BACH2: variants seen among roughly 807,000 people sequenced by gnomAD.
BACH2 encodes transcription regulator protein BACH2.
A neutral mutation model predicts 61.8 loss-of-function variants in BACH2; 5 were observed. That is an observed-to-expected ratio of 0.08 (90% confidence interval 0.04 to 0.17). The LOEUF (loss-of-function observed/expected upper bound fraction) is 0.17. Ranked by LOEUF, BACH2 falls within the 10% of genes least tolerant of loss-of-function variation. The pLI is 1.00. For missense variants in BACH2, 824 were observed against 1,091.1 expected (o/e 0.76, Z 3.45); for synonymous variants, 446 against 440.1 (o/e 1.01, Z -0.17).
chr6:89,952,597 T>C (rs925873627), intron 6 of BACH2, among the ~76,000 whole-genome samples: 9 of 152,208 alleles, frequency 5.9e-5, no homozygotes, highest in African/African-American at 7.2e-5. Context: ...ATTTAAATGG[T>C]TGAAGCTGCT....
chr6:89,947,392 C>T (rs1305652477), intron 7 of BACH2, among the ~76,000 whole-genome samples: 1 of 152,258 alleles, frequency 6.6e-6, no homozygotes, highest in Non-Finnish European at 1.5e-5. Flanking sequence ...TCTTGGAAAC[C>T]TAACCTCCTC....
chr6:90,292,601 G>GT (rs1772213919), intron 1 of BACH2, among the ~76,000 whole-genome samples: 1 of 152,094 alleles, frequency 6.6e-6, no homozygotes, highest in African/African-American at 2.4e-5. Flanking sequence ...TTGAAGTTTT[G>GT]TTTTTTTGGC....
chr6:90,059,748 G>C (rs536729204), intron 5 of BACH2, among the ~76,000 whole-genome samples: 1 of 151,894 alleles, frequency 6.6e-6, no homozygotes, highest in Non-Finnish European at 1.5e-5. Context: ...ATGATAGACT[G>C]GATTAAGAAA....
chr6:90,062,277 G>T (rs562398962), intron 5 of BACH2, among the ~76,000 whole-genome samples: 1 of 152,282 alleles, frequency 6.6e-6, no homozygotes, highest in African/African-American at 2.4e-5. Flanking sequence ...TTCTCATGAG[G>T]TCTACTCCAC....
At chr6:89,990,523 C>CTT (rs1016242544) in intron 6 of BACH2, among the ~76,000 whole-genome samples, 1 of 149,512 alleles carries the variant, frequency 6.7e-6, no homozygotes, top group Admixed American at 6.7e-5. Flanking sequence ...GTCATACTGG[C>CTT]TTTTTTTTTT....
intron 1 of BACH2, among the ~76,000 whole-genome samples, chr6:90,295,711 T>C (rs1772333201): frequency 6.6e-6 from 1 of 151,982 alleles, no homozygotes; most frequent in East Asian, 1.9e-4. Context: ...GGAGGATCTG[T>C]GGGAGAGGAG....
chr6:90,050,870 A>G (rs1221040308), intron 5 of BACH2, among the ~76,000 whole-genome samples: 3 of 151,932 alleles, frequency 2.0e-5, no homozygotes, highest in Non-Finnish European at 2.9e-5. Flanking sequence ...CCTGGGTTCA[A>G]GCGATTCTCT....
At chr6:90,042,528 T>C (rs970783576) in intron 5 of BACH2, among the ~76,000 whole-genome samples, 89 of 152,092 alleles carry the variant, frequency 5.9e-4, no homozygotes, top group African/African-American at 1.9e-3. Flanking sequence ...CCATTCATGG[T>C]GTATTGACCA....
intron 4 of BACH2, among the ~76,000 whole-genome samples, chr6:90,183,331 C>T (rs1011064742): frequency 2.6e-5 from 4 of 152,182 alleles, no homozygotes; most frequent in South Asian, 2.1e-4. Context: ...AGATAGTAAC[C>T]GAGTTTATGC....
rs756168310 is a variant in BACH2 at position 89,931,354 on chromosome 6, G to A, written c.*1054C>T. The A allele has an allele frequency of 1.0e-4, 16 of 152,760 alleles. No individual in the cohort carries two copies. In the South Asian group the frequency reaches 2.1e-3, roughly 20 times the overall value. 9.5% of individuals were successfully genotyped at this position (152,760 alleles called of 1,614,324 possible). On this transcript the variant is annotated 3_prime_UTR_variant, in exon 9 of 9. Coordinates refer to ENST00000257749, the MANE Select transcript of BACH2 (RefSeq NM_021813.4). The stretch of plus-strand genomic sequence containing the variant: ...GGTGAAATATAAAAATATTCAAGCA[G>A]ATTATTGTCTACACATCCTAGGATG...
At chr6:90,175,871 T>C (rs2474881) in intron 4 of BACH2, among the ~76,000 whole-genome samples, 147,364 of 152,112 alleles carry the variant, frequency 0.97, 71,419 homozygotes, top group East Asian at 1. Flanking sequence ...AGGCAATATT[T>C]CTCTGCCTTT....
intron 7 of BACH2, among the ~76,000 whole-genome samples, chr6:89,948,548 A>G (rs1168472907): frequency 6.6e-6 from 1 of 152,164 alleles, no homozygotes; most frequent in African/African-American, 2.4e-5. Context: ...CAAAGACTGC[A>G]GGCCTTTGTG....
intron 5 of BACH2, among the ~76,000 whole-genome samples, chr6:90,051,253 T>C (rs1044422197): frequency 3.9e-5 from 6 of 152,212 alleles, no homozygotes; most frequent in Non-Finnish European, 8.8e-5. Context: ...GTTACTGGTA[T>C]ATAAGGCAAT....
intron 3 of BACH2, chr6:90,218,264 T>A (rs1769607554): frequency 6.6e-6 from 1 of 152,154 alleles, no homozygotes; most frequent in Non-Finnish European, 1.5e-5. Context: ...GCTCTAAAAA[T>A]TTTTTTAAAG....
At chr6:89,970,966 G>A (rs1376982125) in intron 6 of BACH2, among the ~76,000 whole-genome samples, 1 of 152,134 alleles carries the variant, frequency 6.6e-6, no homozygotes, top group Non-Finnish European at 1.5e-5. Flanking sequence ...GCAATAAAAA[G>A]GGAATTTGGA....
rs1195644184 is a variant in BACH2, at chr6:89,951,629, A to C, written c.477T>G (p.Ser159=). The change falls in exon 7 of 9, where the codon TCT becomes TCG. Residue 159 remains serine (S), a synonymous_variant. Coordinates refer to ENST00000257749, the MANE Select transcript of BACH2 (RefSeq NM_021813.4). The surrounding 1 kb of genome is among the most constrained non-coding windows in gnomAD (Gnocchi z 6.4). ...CCTCTTCATCCTCCTCCTCTCCTGC[A>C]GAGTTCTCGCAGTCCTCGTGTGGGC... ...CQRPHEDCEN[S]AGEEEDEEEE... 6.2e-7 allele frequency: 1 copy of C among 1,614,182 alleles called. No individual in the cohort carries two copies. The highest frequency in any genetic ancestry group is 1.1e-5 in the South Asian group (1 of 91,084).
intron 3 of BACH2, among the ~76,000 whole-genome samples, chr6:90,213,412 C>T (rs1248955339): frequency 6.6e-6 from 1 of 152,186 alleles, no homozygotes; most frequent in Non-Finnish European, 1.5e-5. Context: ...CCATGTCAGT[C>T]AGGGGATTCT....
At position 90,294,220 on chromosome 6, in the gene BACH2, C is replaced by A. The variant is rs537603779; in HGVS notation, c.-446+2260G>T. On this transcript the variant is annotated intron_variant, in intron 1 of 8. Transcript: ENST00000257749. ...TCAGTCCACCTGCAGAATAGACAGA[C>A]AGCAGAAGAATTTACTCAACACATT... Among the ~76,000 whole-genome samples the A allele has an allele frequency of 7.2e-5, 11 of 152,324 alleles. No homozygotes were observed. In the East Asian group the frequency reaches 2.1e-3, roughly 29 times the overall value.
rs189637999 is a variant in BACH2 at position 90,000,625 on chromosome 6, A to G, written c.243+7977T>C. 2.9e-3 allele frequency among the ~76,000 whole-genome samples: 442 copies of G among 152,324 alleles called. 4 individuals carry two copies. The highest frequency in any genetic ancestry group is 4.9e-3 in the Non-Finnish European group (331 of 68,032). On this transcript the variant is annotated intron_variant, in intron 6 of 8. Transcript: ENST00000257749. ...CCTGCAAGTCAAACTGGTAACTAGC[A>G]TTGTTACTCCTTGTACACTCATATT...
Sources: gnomAD v4.1 joint callset for allele counts (sites outside exome capture counted in the v4.1 genomes callset) on GRCh38, gnomAD v4.1.1 for gene constraint, Gnocchi (gnomAD v3.1) non-coding constraint, MANE v1.5 for transcripts, NCBI Gene and HGNC (gene_info 2026-07-23, HGNC 2026-07-21) for gene names.